The following ZFAND3 variants were observed in gnomAD, a reference collection of about 807,000 sequenced individuals.
The protein encoded by ZFAND3 is zinc finger AN1-type containing 3.
In ZFAND3, 10 loss-of-function variants were observed where a neutral mutation model predicts 29.6. That is an observed-to-expected ratio of 0.34 (90% CI 0.21 to 0.57). The LOEUF is 0.57. ZFAND3 is among the 20% of genes least tolerant of loss of function. The pLI is 0.86. For synonymous variants in ZFAND3, 128 were observed against 112.6 expected (o/e 1.14, Z -0.87); for missense variants, 230 against 304.5 (o/e 0.76, Z 1.82).
chr6:38,034,052 G>A (rs1017074119), intron 2 of ZFAND3, among the ~76,000 whole-genome samples: 1 of 152,032 alleles, frequency 6.6e-6, no homozygotes. Context: ...TGTCCATTTA[G>A]GGATCTGAAA....
intron 4 of ZFAND3, among the ~76,000 whole-genome samples, chr6:38,085,312 A>C (rs1012338372): frequency 6.6e-6 from 1 of 152,200 alleles, no homozygotes; most frequent in African/African-American, 2.4e-5. Context: ...CTTAGGAGAC[A>C]CAGAGTGAGA....
chr6:37,877,982 G>T (rs78395060), intron 1 of ZFAND3, among the ~76,000 whole-genome samples: 4,045 of 152,278 alleles, frequency 0.027, 196 homozygotes, highest in African/African-American at 0.091. Flanking sequence ...TAGAAATGAG[G>T]TAGGAACAAC....
At chr6:38,061,222 C>A (rs762931401) in intron 2 of ZFAND3, among the ~76,000 whole-genome samples, 1 of 152,126 alleles carries the variant, frequency 6.6e-6, no homozygotes, top group Non-Finnish European at 1.5e-5. Flanking sequence ...GTTTACTCTG[C>A]TGTTTTCTCT....
intron 5 of ZFAND3, among the ~76,000 whole-genome samples, chr6:38,121,407 A>C (rs1765531225): frequency 6.6e-6 from 1 of 152,180 alleles, no homozygotes; most frequent in Admixed American, 6.5e-5. Context: ...AACAAAAAAC[A>C]AGAACCAAAA....
In ZFAND3 at chr6:37,844,308, G is replaced by C. The variant is rs555919259; in HGVS notation, c.71+24292G>C. ...TCTGTCTTTCTTGTCTTTCTTTCTT[G>C]TCTTGCCCTGTCGCCCAGGCTGGAG... On this transcript the variant is annotated intron_variant, in intron 1 of 5. Transcript: ENST00000287218. Among the ~76,000 whole-genome samples the C allele has an allele frequency of 5.9e-5, 9 of 151,744 alleles. No individual in the cohort carries two copies. In the South Asian group the frequency reaches 1.7e-3, roughly 28 times the overall value.
At chr6:37,952,249 G>T (rs1762011129) in intron 2 of ZFAND3, among the ~76,000 whole-genome samples, 2 of 152,160 alleles carry the variant, frequency 1.3e-5, no homozygotes, top group African/African-American at 4.8e-5. Context: ...CTCTTCCTCA[G>T]TTTTTTGCAA....
chr6:37,846,543 T>C (rs1169032438), intron 1 of ZFAND3, among the ~76,000 whole-genome samples: 1 of 152,194 alleles, frequency 6.6e-6, no homozygotes, highest in Non-Finnish European at 1.5e-5. Context: ...TTCACATAAG[T>C]TGAATTGCAC....
intron 2 of ZFAND3, among the ~76,000 whole-genome samples, chr6:37,997,828 G>A (rs1474773029): frequency 6.6e-6 from 1 of 152,216 alleles, no homozygotes; most frequent in Non-Finnish European, 1.5e-5. Context: ...GCTAGCACAT[G>A]TGCAATTAAA....
rs1763623747 is a variant in ZFAND3, at chr6:37,819,835, C to T, written c.-111C>T. The T allele has an allele frequency of 9.2e-6, 6 of 648,900 alleles. No individual in the cohort carries two copies. The South Asian group carries it at 4.1e-4, about 44-fold the overall frequency. The allele number at this position is 648,900 out of a possible 1,614,324, so 40.2% of individuals were successfully genotyped here. On this transcript the variant is annotated 5_prime_UTR_variant, in exon 1 of 6. Transcript: ENST00000287218. The stretch of plus-strand genomic sequence containing the variant: ...CCGCCCGCGCGCCCGCTCCTTCCCC[C>T]TCCCCCCGCCCCGAGCCCCCCGACG...
At chr6:38,042,138 T>C (rs1253035566) in intron 2 of ZFAND3, among the ~76,000 whole-genome samples, 5 of 151,222 alleles carry the variant, frequency 3.3e-5, no homozygotes, top group South Asian at 2.1e-4. Context: ...TGGCCTAATA[T>C]ATATCTTTTG....
chr6:38,029,727 G>A (rs1430746995), intron 2 of ZFAND3, among the ~76,000 whole-genome samples: 1 of 152,138 alleles, frequency 6.6e-6, no homozygotes, highest in East Asian at 1.9e-4. Context: ...AGTCATCAGG[G>A]AAATACAAAG....
intron 4 of ZFAND3, among the ~76,000 whole-genome samples, chr6:38,083,683 G>T (rs1190115510): frequency 6.6e-6 from 1 of 152,038 alleles, no homozygotes; most frequent in African/African-American, 2.4e-5. Flanking sequence ...TTACTGTTAA[G>T]CACTACCACT....
chr6:37,931,015 T>C (rs1761584576), intron 2 of ZFAND3, among the ~76,000 whole-genome samples: 1 of 152,184 alleles, frequency 6.6e-6, no homozygotes, highest in African/African-American at 2.4e-5. Context: ...ATCTGTAGAC[T>C]CAAAGAAGTG....
At chr6:38,060,065 C>T (rs983487756) in intron 2 of ZFAND3, among the ~76,000 whole-genome samples, 5 of 152,128 alleles carry the variant, frequency 3.3e-5, no homozygotes, top group Admixed American at 6.5e-5. Flanking sequence ...CTTTGTATCC[C>T]TGCTTATATG....
chr6:37,884,134 C>G (rs1000222220), intron 1 of ZFAND3, among the ~76,000 whole-genome samples: 1 of 145,200 alleles, frequency 6.9e-6, no homozygotes. Flanking sequence ...TTGTTTGAGT[C>G]TAATCAGGGC....
At chr6:37,970,791 G>T (rs1440740520) in intron 2 of ZFAND3, among the ~76,000 whole-genome samples, 1 of 152,158 alleles carries the variant, frequency 6.6e-6, no homozygotes, top group Admixed American at 6.5e-5. Context: ...TGTAGTCCCA[G>T]CTACTTGGGA....
chr6:38,024,373 G>A (rs923456408), intron 2 of ZFAND3, among the ~76,000 whole-genome samples: 4 of 151,708 alleles, frequency 2.6e-5, no homozygotes, highest in African/African-American at 9.7e-5. Context: ...TTGGGAGGCC[G>A]AGGCAGGAGA....
chr6:38,016,360 C>T (rs1763252580), intron 2 of ZFAND3, among the ~76,000 whole-genome samples: 1 of 152,152 alleles, frequency 6.6e-6, no homozygotes, highest in Admixed American at 6.5e-5. Flanking sequence ...CTTCAGAGAA[C>T]CATGGGACGA....
chr6:38,009,395 C>G (rs773192219), intron 2 of ZFAND3, among the ~76,000 whole-genome samples: 1 of 152,062 alleles, frequency 6.6e-6, no homozygotes, highest in Non-Finnish European at 1.5e-5. Context: ...CAAGTAAGTT[C>G]CAAAATACTG....
Sources: allele counts gnomAD v4.1 joint callset (sites outside exome capture counted in the v4.1 genomes callset), GRCh38; gene constraint gnomAD v4.1.1; transcripts MANE v1.5; gene names NCBI Gene and HGNC (gene_info 2026-07-23, HGNC 2026-07-21).